The following DISC1 variants were observed in gnomAD, a reference collection of about 807,000 sequenced individuals.
The protein encoded by DISC1 is disrupted in schizophrenia 1 protein.
A neutral mutation model predicts 84.5 loss-of-function variants in DISC1; 57 were observed. The ratio of observed to expected loss-of-function variants is 0.67; its 90% CI spans 0.55 to 0.84. The LOEUF is 0.84. DISC1 is among the 40% of genes least tolerant of loss of function. The pLI, the probability that DISC1 is intolerant of heterozygous loss-of-function variation, is 0.00. For synonymous variants in DISC1, 411 were observed against 415.2 expected (o/e 0.99, Z 0.12); for missense variants, 1,000 against 1,057.8 (o/e 0.95, Z 0.76).
At chr1:231,864,636 C>T (rs2084926212) in intron 9 of DISC1, among the ~76,000 whole-genome samples, 1 of 152,112 alleles carries the variant, frequency 6.6e-6, no homozygotes, top group South Asian at 2.1e-4. Flanking sequence ...GCACTCCAGC[C>T]TGGGTGACAG....
chr1:231,997,410 A>C lies in DISC1; in HGVS notation c.2043-11375A>C, dbSNP rs193279446. ...TGGATCTGTCAAGTTCATAATAAAA[A>C]ATAACAGAGAACTCCTCAGGTAACT... On this transcript the variant is annotated intron_variant, in intron 10 of 12. Coordinates refer to ENST00000439617, the MANE Select transcript of DISC1 (RefSeq NM_018662.3). Among the ~76,000 whole-genome samples, 241 of 152,328 alleles carry C rather than the reference A, an allele frequency of 1.6e-3. 1 individual carries two copies. Among genetic ancestry groups the C allele is most frequent in the African/African-American group, 5.6e-3 (232 of 41,572 alleles).
At chr1:231,924,042 TCG>T (rs1249597265) in intron 9 of DISC1, among the ~76,000 whole-genome samples, 1 of 152,198 alleles carries the variant, frequency 6.6e-6, no homozygotes, top group African/African-American at 2.4e-5. Context: ...GGCTTAAGGG[TCG>T]CTTATTTCAA....
Position 232,002,526 on chromosome 1 carries a change from A to G in DISC1, c.2043-6259A>G, listed in dbSNP as rs561549016. Among the ~76,000 whole-genome samples the G allele has an allele frequency of 3.3e-5, 5 of 151,834 alleles. No individual in the cohort carries two copies. In the East Asian group the frequency reaches 9.7e-4, roughly 30 times the overall value. ...AAACACACTGTGGTACATACCTAGC[A>G]TGGAATACTACTCAGCAGTTGAAAA... is the stretch of plus-strand genomic sequence containing the variant. On this transcript the variant is annotated intron_variant, in intron 10 of 12. Transcript: ENST00000439617.
chr1:231,809,248 T>C (rs765085142), intron 8 of DISC1, among the ~76,000 whole-genome samples: 1 of 152,132 alleles, frequency 6.6e-6, no homozygotes, highest in Non-Finnish European at 1.5e-5. Flanking sequence ...ATGATTCTAA[T>C]TGCCTTAGAA....
intron 11 of DISC1, among the ~76,000 whole-genome samples, chr1:232,018,341 A>T (rs1425053661): frequency 6.6e-6 from 1 of 152,184 alleles, no homozygotes; most frequent in Admixed American, 6.5e-5. Flanking sequence ...GGAAAGACTT[A>T]AGCCTTGTTT....
chr1:231,926,635 C>T (rs970113113), intron 9 of DISC1, among the ~76,000 whole-genome samples: 3 of 152,286 alleles, frequency 2.0e-5, no homozygotes, highest in Admixed American at 6.5e-5. Context: ...TCAGTGGCTA[C>T]TTTGAGTCCA....
intron 10 of DISC1, among the ~76,000 whole-genome samples, chr1:231,983,118 G>C (rs1241080565): frequency 6.6e-6 from 1 of 152,108 alleles, no homozygotes; most frequent in African/African-American, 2.4e-5. Context: ...GGATAGCCAA[G>C]AAGTCAGTGT....
chr1:231,923,308 A>G (rs186034655), intron 9 of DISC1, among the ~76,000 whole-genome samples: 1 of 139,224 alleles, frequency 7.2e-6, no homozygotes, highest in African/African-American at 2.7e-5. Flanking sequence ...AAAAAAAACC[A>G]AAAAAAAAAA....
intron 9 of DISC1, among the ~76,000 whole-genome samples, chr1:231,848,009 T>C (rs1459867103): frequency 6.6e-6 from 1 of 152,200 alleles, no homozygotes; most frequent in Non-Finnish European, 1.5e-5. Flanking sequence ...TCCAAGACTT[T>C]ATTTTTTTAG....
At chr1:231,655,677 T>C (rs2060999317) in intron 1 of DISC1, among the ~76,000 whole-genome samples, 1 of 152,226 alleles carries the variant, frequency 6.6e-6, no homozygotes, top group Non-Finnish European at 1.5e-5. Flanking sequence ...ATCTCCATAC[T>C]GTTTTCCATA....
rs193024019 is a variant in DISC1 at position 231,750,057 on chromosome 1, C to G, written c.1249C>G (p.Arg417Gly). Residue 417 changes from arginine to glycine, a missense_variant, in exon 4 of 13, where the codon CGC (arginine) becomes GGC (glycine). Around this residue, in one of 3 missense-constraint regions of DISC1, gnomAD observed 311 missense variants for 400.1 expected, o/e 0.78. Transcript: ENST00000439617. ...GGCAGCACAAGTCCAGGCTGCCTTG[C>G]GCCGTGGGGCCACTCAGCAGTGAGT... ...HLAAQVQAAL[R>G]RGATQQASGD... The G allele has an allele frequency of 1.4e-5, 22 of 1,613,956 alleles. No individual in the cohort carries two copies. Among genetic ancestry groups the G allele is most frequent in the Non-Finnish European group, 1.8e-5 (21 of 1,179,974 alleles).
intron 3 of DISC1, among the ~76,000 whole-genome samples, chr1:231,705,468 C>T (rs1405579632): frequency 1.3e-5 from 2 of 151,620 alleles, no homozygotes; most frequent in African/African-American, 2.4e-5. Context: ...ATGCAACAGA[C>T]GGGGGATTCC....
chr1:232,023,727 C>T (rs1261421525), intron 11 of DISC1, among the ~76,000 whole-genome samples: 2 of 152,036 alleles, frequency 1.3e-5, no homozygotes, highest in South Asian at 2.1e-4. Flanking sequence ...CATTTGATTT[C>T]GTTTAAGGGT....
intron 1 of DISC1, among the ~76,000 whole-genome samples, chr1:231,669,121 A>T (rs1396568384): frequency 1.3e-5 from 2 of 152,188 alleles, no homozygotes; most frequent in Non-Finnish European, 2.9e-5. Flanking sequence ...TTGGTTGAGA[A>T]AGGGAAGTCA....
intron 9 of DISC1, chr1:231,866,425 A>T: frequency 1.4e-6 from 1 of 691,912 alleles, no homozygotes. Flanking sequence ...ATTTATTAAA[A>T]AAAATAACAT....
chr1:231,672,163 G>A (rs573899975), intron 1 of DISC1, among the ~76,000 whole-genome samples: 3 of 151,786 alleles, frequency 2.0e-5, no homozygotes, highest in Non-Finnish European at 4.4e-5. Flanking sequence ...TTCTCTTCTT[G>A]AAACGAGAAT....
chr1:231,798,832 A>T (rs1008108694), intron 7 of DISC1, among the ~76,000 whole-genome samples: 4 of 152,202 alleles, frequency 2.6e-5, no homozygotes, highest in African/African-American at 9.6e-5. Context: ...GAACATATGG[A>T]AGTCCATGAG....
At chr1:231,684,021 C>T (rs1317055146) in intron 1 of DISC1, among the ~76,000 whole-genome samples, 3 of 152,138 alleles carry the variant, frequency 2.0e-5, no homozygotes, top group African/African-American at 7.2e-5. Context: ...ACTTTCCTGG[C>T]CTCCTGCAGT....
At chr1:231,881,413 C>T (rs1397113378) in intron 9 of DISC1, among the ~76,000 whole-genome samples, 1 of 152,150 alleles carries the variant, frequency 6.6e-6, no homozygotes, top group Non-Finnish European at 1.5e-5. Context: ...CTCCCTCTGT[C>T]TCTTCTCATG....
Sources: gnomAD v4.1 joint callset for allele counts (sites outside exome capture counted in the v4.1 genomes callset) on GRCh38, gnomAD v4.1.1 for gene constraint, gnomAD v4.1.1 regional missense constraint, MANE v1.5 for transcripts, NCBI Gene and HGNC (gene_info 2026-07-23, HGNC 2026-07-21) for gene names.